The following FRAS1 variants were observed in gnomAD, a reference collection of about 807,000 sequenced individuals.
FRAS1 encodes extracellular matrix organizing protein FRAS1.
A neutral mutation model predicts 435.2 loss-of-function variants in FRAS1; 290 were observed. The observed-to-expected ratio is 0.67, with a 90% CI of 0.61 to 0.73. The LOEUF is 0.73. FRAS1 is among the 30% of genes least tolerant of loss of function. FRAS1 has a pLI of 0.00. For synonymous variants in FRAS1, 1,800 were observed against 1,851.0 expected (o/e 0.97, Z 0.71); for missense variants, 4,860 against 5,001.5 (o/e 0.97, Z 0.85).
At chr4:78,181,551 C>T (rs2110051079) in intron 2 of FRAS1, 14 of 1,611,562 alleles carry the variant, frequency 8.7e-6, no homozygotes, top group Middle Eastern at 2.3e-4. Flanking sequence ...CCAAGACCAC[C>T]ACGACCTCGA....
chr4:78,536,445 G>A (rs1228691898), intron 71 of FRAS1, among the ~76,000 whole-genome samples: 1 of 152,060 alleles, frequency 6.6e-6, no homozygotes, highest in Non-Finnish European at 1.5e-5. Flanking sequence ...GTGGTGGTTT[G>A]GTTTGAGAGC....
At chr4:78,304,733 G>A (rs1219442758) in intron 14 of FRAS1, among the ~76,000 whole-genome samples, 1 of 151,822 alleles carries the variant, frequency 6.6e-6, no homozygotes, top group African/African-American at 2.4e-5. Context: ...ATTTTTTATT[G>A]CATCTATTTG....
intron 39 of FRAS1, 27 bp from the exon 40 acceptor site, chr4:78,438,875 C>A: frequency 6.3e-7 from 1 of 1,585,038 alleles, no homozygotes; most frequent in Non-Finnish European, 8.6e-7. Context: ...GTGGCTTATT[C>A]ATTTGATTCT....
Position 78,096,036 on chromosome 4 carries a change from A to G in FRAS1, c.108+30020A>G, listed in dbSNP as rs189089974. Among the ~76,000 whole-genome samples the G allele has an allele frequency of 4.7e-3, 721 of 152,330 alleles. 5 individuals carry two copies. The highest frequency in any genetic ancestry group is 0.017 in the African/African-American group (688 of 41,574). On this transcript the variant is annotated intron_variant, in intron 2 of 73. Transcript: ENST00000512123. ...CTTCCGCCTATGAGCCTGTAAAATC[A>G]AAAGCAAGTTAGTTACTTCCTAGAT... is the stretch of plus-strand genomic sequence containing the variant.
At chr4:78,524,323 G>A (rs1721470637) in intron 69 of FRAS1, among the ~76,000 whole-genome samples, 1 of 152,152 alleles carries the variant, frequency 6.6e-6, no homozygotes, top group South Asian at 2.1e-4. Flanking sequence ...ATGGCAAAAT[G>A]AAGAACCCCA....
chr4:78,532,249 C>A (rs923104495), intron 70 of FRAS1, among the ~76,000 whole-genome samples: 5 of 152,298 alleles, frequency 3.3e-5, no homozygotes, highest in Admixed American at 2.6e-4. Flanking sequence ...ACTCTTACCC[C>A]AGACCTTTTT....
At chr4:78,518,448 ATATATTTATT>A (rs1258956943) in intron 66 of FRAS1, among the ~76,000 whole-genome samples, 3 of 135,868 alleles carry the variant, frequency 2.2e-5, no homozygotes, top group African/African-American at 5.8e-5. Flanking sequence ...ATATATATAT[ATATATTTATT>A]TATTTATTTA....
intron 14 of FRAS1, among the ~76,000 whole-genome samples, chr4:78,291,720 G>C (rs1727907704): frequency 6.6e-6 from 1 of 152,096 alleles, no homozygotes; most frequent in Non-Finnish European, 1.5e-5. Flanking sequence ...CCTATAGTGA[G>C]CTCACAGTCA....
chr4:78,325,255 GTTTT>G lies in FRAS1; in HGVS notation c.2137+6271_2137+6274del, dbSNP rs1257375262. 6.6e-5 allele frequency among the ~76,000 whole-genome samples: 10 copies of G among 152,262 alleles called. No individual in the cohort carries two copies. In the South Asian group the frequency reaches 2.1e-3, roughly 32 times the overall value. ...CAAAATTGCTACAGGTTTAGTATCAGTTTTTAAAAAAATAATTCACCAGTTATTT... is the reference window on the plus strand; with the variant it reads ...CAAAATTGCTACAGGTTTAGTATCAGTAAAAAAATAATTCACCAGTTATTT... On this transcript the variant is annotated intron_variant, in intron 18 of 73. Transcript: ENST00000512123.
rs545659220 is a variant in FRAS1 at position 78,275,045 on chromosome 4, A to G, written c.982-3610A>G. Among the ~76,000 whole-genome samples, 4 of 152,280 alleles carry G rather than the reference A, an allele frequency of 2.6e-5. No individual in the cohort carries two copies. The South Asian group carries it at 6.2e-4, about 24-fold the overall frequency. On this transcript the variant is annotated intron_variant, in intron 9 of 73. Coordinates refer to ENST00000512123, the MANE Select transcript of FRAS1 (RefSeq NM_025074.7). ...TAGGATAGTTAGCTCTTCTTGTTGAATTGATCCCTTTACCATTATGTAATG... is the reference window on the plus strand; with the variant it reads ...TAGGATAGTTAGCTCTTCTTGTTGAGTTGATCCCTTTACCATTATGTAATG...
chr4:78,286,634 C>T, intron 14 of FRAS1, 95 bp downstream of exon 14: 2 of 1,294,850 alleles, frequency 1.5e-6, no homozygotes, highest in Non-Finnish European at 2.1e-6. Flanking sequence ...GAGCTGGAAG[C>T]ACTTTTTCAA....
intron 59 of FRAS1, among the ~76,000 whole-genome samples, chr4:78,494,856 A>G (rs1005045553): frequency 1.3e-5 from 2 of 152,162 alleles, no homozygotes; most frequent in African/African-American, 4.8e-5. Context: ...TTTGTTGGAT[A>G]TACAATCAGT....
intron 47 of FRAS1, among the ~76,000 whole-genome samples, chr4:78,456,211 T>C (rs1022637871): frequency 1.2e-5 from 1 of 84,392 alleles, no homozygotes; most frequent in Non-Finnish European, 2.5e-5. Context: ...CGGTGTGATC[T>C]TGGCTCATTG....
chr4:78,456,138 C>CTTTTTTTTTCTTTTTTTTTT (rs1719187825), intron 47 of FRAS1, among the ~76,000 whole-genome samples: 1 of 51,484 alleles, frequency 1.9e-5, no homozygotes. Flanking sequence ...ACACATGTCA[C>CTTTTTTTTTCTTTTTTTTTT]TTTTTTTTTT....
At chr4:78,344,951 A>G (rs1025697933) in intron 20 of FRAS1, among the ~76,000 whole-genome samples, 3 of 152,214 alleles carry the variant, frequency 2.0e-5, no homozygotes, top group Non-Finnish European at 4.4e-5. Flanking sequence ...TCTCTAAAAT[A>G]TCACTTTAAA....
intron 71 of FRAS1, among the ~76,000 whole-genome samples, chr4:78,536,017 G>A (rs1392801255): frequency 1.3e-5 from 2 of 152,032 alleles, no homozygotes; most frequent in African/African-American, 2.4e-5. Flanking sequence ...TCATTGCTGT[G>A]GAACCTTGGA....
At chr4:78,483,768 C>CTATATATATATATA (rs1491536432) in intron 58 of FRAS1, among the ~76,000 whole-genome samples, 7 of 6,510 alleles carry the variant, frequency 1.1e-3, no homozygotes, top group South Asian at 0.059. Context: ...AAAAAAAAAA[C>CTATATATATATATA]TCTCTCTCTC....
chr4:78,470,173 T>C (rs11728640), intron 51 of FRAS1, 82 bp downstream of exon 51: 150,054 of 848,358 alleles, frequency 0.18, 15,713 homozygotes, highest in Non-Finnish European at 0.22. Flanking sequence ...TGAATAGAAG[T>C]CCAGTTCAGC....
At chr4:78,435,521 T>C (rs529005871) in intron 38 of FRAS1, among the ~76,000 whole-genome samples, 7 of 152,094 alleles carry the variant, frequency 4.6e-5, no homozygotes, top group Admixed American at 4.6e-4. Flanking sequence ...TGTAGATCAT[T>C]TGAGGTCAGG....
Sources: allele counts gnomAD v4.1 joint callset (sites outside exome capture counted in the v4.1 genomes callset), GRCh38; gene constraint gnomAD v4.1.1; transcripts MANE v1.5; gene names NCBI Gene and HGNC (gene_info 2026-07-23, HGNC 2026-07-21).